Variants in FMNL1 observed in about 807,000 individuals in gnomAD.
FMNL1 encodes the protein formin-like protein 1.
A neutral mutation model predicts 121.3 loss-of-function variants in FMNL1; 43 were observed. That is an observed-to-expected ratio of 0.35 (90% CI 0.28 to 0.46). FMNL1 has a LOEUF of 0.46. Ranked by LOEUF, FMNL1 falls within the 20% of genes least tolerant of loss-of-function variation. The pLI is 1.00. For synonymous variants in FMNL1, 613 were observed against 613.5 expected (o/e 1.00, Z 0.01); for missense variants, 1,191 against 1,482.4 (o/e 0.80, Z 3.23).
Position 45,234,185 on chromosome 17 carries a change from G to T in FMNL1, c.599G>T (p.Arg200Leu), listed in dbSNP as rs373132848. Reference protein sequence around the residue: ...KGPPSSVPKSRHLTIKLTPAH... With the variant: ...KGPPSSVPKSLHLTIKLTPAH... ...CCACCCTCCTCCGTGCCCAAAAGCC[G>T]CCACCTGACCATCAAGTATGTGGGC... The change falls in exon 6 of 27, where the codon CGC becomes CTC. Residue 200 changes from arginine (R) to leucine (L), a missense_variant. Transcript: ENST00000331495. 14 of 1,613,964 alleles carry T rather than the reference G, an allele frequency of 8.7e-6. No homozygotes were observed. Among genetic ancestry groups the T allele is most frequent in the Non-Finnish European group, 1.1e-5 (13 of 1,180,030 alleles).
intron 6 of FMNL1, chr17:45,234,594 A>G (rs983346686): frequency 1.4e-5 from 4 of 290,508 alleles, no homozygotes; most frequent in African/African-American, 7.3e-5. Context: ...AGCCCAGGGG[A>G]TGGAGGTTGC....
rs536416050 is a variant in FMNL1 at position 45,242,256 on chromosome 17, G to A, written c.1886-85G>A. ...GCCTGGGGGCCTCCTGCTGCCTCCT[G>A]GCTGCCCCATCAGCCCTCCCTGGGC... On this transcript the variant is annotated intron_variant, in intron 15 of 26. Coordinates refer to ENST00000331495, the MANE Select transcript of FMNL1 (RefSeq NM_005892.4). 3.3e-5 allele frequency: 52 copies of A among 1,582,938 alleles called. No individual in the cohort carries two copies. In the Middle Eastern group the frequency reaches 6.8e-4, roughly 21 times the overall value.
chr17:45,230,558 T>G (rs755890799), intron 1 of FMNL1, 46 bp from the exon 2 acceptor site: 2 of 1,603,512 alleles, frequency 1.2e-6, no homozygotes, highest in Non-Finnish European at 1.7e-6. Context: ...CCCTCTCCCC[T>G]TGTTGGGGCC....
At chr17:45,224,875 A>G (rs1309387175) in intron 1 of FMNL1, among the ~76,000 whole-genome samples, 4 of 152,208 alleles carry the variant, frequency 2.6e-5, no homozygotes, top group African/African-American at 9.6e-5. Context: ...TGGTGGGAAC[A>G]CCAGCCAGCG....
At chr17:45,239,171 C>A in intron 11 of FMNL1, 106 bp downstream of exon 11, 1 of 890,774 alleles carries the variant, frequency 1.1e-6, no homozygotes, top group Non-Finnish European at 1.9e-6. Flanking sequence ...GGTTTAAATC[C>A]TGGCTCTGCC....
rs2043410005 is a variant in FMNL1, at chr17:45,230,188, C to T, written c.130-416C>T. 2.6e-5 allele frequency among the ~76,000 whole-genome samples: 4 copies of T among 152,300 alleles called. No individual in the cohort carries two copies. The South Asian group carries it at 8.3e-4, about 32-fold the overall frequency. ...CACTGGCCACTGGCCACACTTTGGCCTGACTGGTGATGGCTCCCCTGTTAG... is the reference window on the plus strand; with the variant it reads ...CACTGGCCACTGGCCACACTTTGGCTTGACTGGTGATGGCTCCCCTGTTAG... On this transcript the variant is annotated intron_variant, in intron 1 of 26. Coordinates refer to ENST00000331495, the MANE Select transcript of FMNL1 (RefSeq NM_005892.4).
chr17:45,226,146 T>C (rs1435587656), intron 1 of FMNL1, among the ~76,000 whole-genome samples: 1 of 152,204 alleles, frequency 6.6e-6, no homozygotes, highest in Non-Finnish European at 1.5e-5. Context: ...CCCACCGTTA[T>C]GCAGGTCACC....
Position 45,240,485 on chromosome 17 carries a change from C to T in FMNL1, c.1090C>T (p.Leu364Phe), listed in dbSNP as rs543302959. 17 of 1,611,128 alleles carry T rather than the reference C, an allele frequency of 1.1e-5. No homozygotes were observed. The highest frequency in any genetic ancestry group is 8.9e-5 in the East Asian group (4 of 44,826). The change falls in exon 12 of 27, where the codon CTC becomes TTC. Residue 364 changes from leucine to phenylalanine, a missense_variant. Around this residue, in one of 4 missense-constraint regions of FMNL1, gnomAD observed 519 missense variants for 492.8 expected, o/e 1.05. Transcript: ENST00000331495. ...GLDLYLERLR[L>F]TESDKLQVQI... ...TCCATCTGGGGGACAGAGGCTTCGG[C>T]TCACCGAGAGTGACAAGCTGCAGGT...
At position 45,245,883 on chromosome 17, in the gene FMNL1, T is replaced by G. The variant is rs1463452919; in HGVS notation, c.3000T>G (p.Ala1000=). ...GAGACTGCCTTGGCCCACAGAAAGCTGAGCAGGAGGTGGAACAGTGGAAAA... is the reference window on the plus strand; with the variant it reads ...GAGACTGCCTTGGCCCACAGAAAGCGGAGCAGGAGGTGGAACAGTGGAAAA... ...FSRFIKAYKK[A]EQEVEQWKKE... The change falls in exon 24 of 27, where the codon GCT becomes GCG. Residue 1000 remains alanine (A), a synonymous_variant. Transcript: ENST00000331495. The G allele has an allele frequency of 5.0e-6, 8 of 1,595,896 alleles. No individual in the cohort carries two copies. The highest frequency in any genetic ancestry group is 6.8e-6 in the Non-Finnish European group (8 of 1,172,712).
chr17:45,242,079 G>A lies in FMNL1; in HGVS notation c.1818G>A (p.Pro606=), dbSNP rs1189614424. The part of the protein sequence containing the change: ...GTDGPVPPPP[P]PPPPPPGGPP... ...ACGGGCCGGTGCCTCCGCCGCCGCCGCCGCCGCCGCCGCCTCCCGGAGGTC... is the reference window on the plus strand; with the variant it reads ...ACGGGCCGGTGCCTCCGCCGCCGCCACCGCCGCCGCCGCCTCCCGGAGGTC... The change falls in exon 15 of 27, where the codon CCG becomes CCA. Residue 606 remains proline, a synonymous_variant. Coordinates refer to ENST00000331495, the MANE Select transcript of FMNL1 (RefSeq NM_005892.4). 1 of 1,464,062 alleles carries A rather than the reference G, an allele frequency of 6.8e-7. No individual in the cohort carries two copies. The highest frequency in any genetic ancestry group is 2.1e-5 in the Admixed American group (1 of 46,680). The allele number at this position is 1,464,062 out of a possible 1,614,324, so 90.7% of individuals were successfully genotyped here.
Position 45,244,345 on chromosome 17 carries a change from C to T in FMNL1, c.2517+101C>T, listed in dbSNP as rs28417642. 9.4e-4 allele frequency: 1,286 copies of T among 1,371,492 alleles called. 8 individuals are homozygous for T. In the African/African-American group the frequency reaches 0.017, roughly 18 times the overall value. The allele number at this position is 1,371,492 out of a possible 1,614,324, so 85.0% of individuals were successfully genotyped here. ...TGCAATGCAACAAAGATAACATTCCCACTTCTCATGTACATGCTGAGAAGG... is the reference window on the plus strand; with the variant it reads ...TGCAATGCAACAAAGATAACATTCCTACTTCTCATGTACATGCTGAGAAGG... On this transcript the variant is annotated intron_variant, in intron 19 of 26. Transcript: ENST00000331495.
At position 45,240,588 on chromosome 17, in the gene FMNL1, T is replaced by C; in HGVS notation, c.1193T>C (p.Leu398Pro). The C allele has an allele frequency of 6.2e-7, 1 of 1,613,846 alleles. No individual in the cohort carries two copies. The highest frequency in any genetic ancestry group is 8.5e-7 in the Non-Finnish European group (1 of 1,179,954). Residue 398 changes from leucine (L) to proline (P), a missense_variant, in exon 12 of 27, where the codon CTG becomes CCG. Leu to Pro is a moderately conservative substitution (Grantham distance 98). This residue lies in a region of FMNL1 where 519 missense variants were observed against 492.8 expected (regional missense o/e 1.05). Coordinates refer to ENST00000331495, the MANE Select transcript of FMNL1 (RefSeq NM_005892.4). ...LEDTETKNAVLEHMEELQEQV... is the reference protein window; with the variant it reads ...LEDTETKNAVPEHMEELQEQV... ...GACACAGAGACCAAGAACGCTGTGCTGGAGCACATGGAGGAACTGCAGGAG... is the reference window on the plus strand; with the variant it reads ...GACACAGAGACCAAGAACGCTGTGCCGGAGCACATGGAGGAACTGCAGGAG...
chr17:45,246,921 G>A lies in FMNL1; in HGVS notation c.*63G>A, dbSNP rs1381554380. ...GACACAGGCCGCCGCAGTGCCCGTC[G>A]GCGTCCCCCGGGCCCCCCACTGCAG... On this transcript the variant is annotated 3_prime_UTR_variant, in exon 27 of 27. Coordinates refer to ENST00000331495, the MANE Select transcript of FMNL1 (RefSeq NM_005892.4). 1 of 758,304 alleles carries A rather than the reference G, an allele frequency of 1.3e-6. No individual in the cohort carries two copies. The highest frequency in any genetic ancestry group is 2.4e-6 in the Non-Finnish European group (1 of 415,398). The allele number at this position is 758,304 out of a possible 1,614,324, so 47.0% of individuals were successfully genotyped here.
chr17:45,237,788 C>G lies in FMNL1; in HGVS notation c.894+149C>G, dbSNP rs1191510647. 2 of 808,338 alleles carry G rather than the reference C, an allele frequency of 2.5e-6. No individual in the cohort carries two copies. Among genetic ancestry groups the G allele is most frequent in the Non-Finnish European group, 2.0e-6 (1 of 494,616 alleles). The allele number at this position is 808,338 out of a possible 1,614,324, so 50.1% of individuals were successfully genotyped here. The stretch of plus-strand genomic sequence containing the variant: ...CAAAAGTTGAAGTTGAGCCACATCA[C>G]TGGCTCAGCAATCTGGGATGGGGAA... On this transcript the variant is annotated intron_variant, in intron 9 of 26. Transcript: ENST00000331495. This position sits in a 1 kb window ranked among gnomAD's most constrained non-coding sequence, Gnocchi z 4.4.
chr17:45,238,692 G>C, intron 10 of FMNL1, 54 bp downstream of exon 10: 1 of 1,608,536 alleles, frequency 6.2e-7, no homozygotes, highest in Admixed American at 1.7e-5. Flanking sequence ...CTTGGGTGCA[G>C]GGAGCAGCTA....
chr17:45,246,713 AT>A (rs2043846084), intron 26 of FMNL1, 109 bp downstream of exon 26: 3 of 1,162,802 alleles, frequency 2.6e-6, no homozygotes, highest in Non-Finnish European at 3.7e-6. Context: ...CTGGGATGTG[AT>A]TTGTGGGGTG....
chr17:45,243,434 A>G (rs2043755165), intron 17 of FMNL1, 114 bp downstream of exon 17: 3 of 1,256,514 alleles, frequency 2.4e-6, no homozygotes, highest in Non-Finnish European at 3.3e-6. Context: ...CAGGCTTCAT[A>G]CCAACCCTGG....
At chr17:45,245,479 G>T (rs768332508) in intron 22 of FMNL1, 63 bp downstream of exon 22, 2 of 1,609,502 alleles carry the variant, frequency 1.2e-6, no homozygotes, top group Middle Eastern at 1.7e-4. Context: ...GCACAGCCTG[G>T]AGGGGTGTGG....
intron 12 of FMNL1, 56 bp downstream of exon 12, chr17:45,240,681 G>A: frequency 6.4e-7 from 1 of 1,566,516 alleles, no homozygotes; most frequent in Non-Finnish European, 8.7e-7. Flanking sequence ...GGGCACACGG[G>A]CCACAGGGCC....
Sources: allele counts gnomAD v4.1 joint callset (sites outside exome capture counted in the v4.1 genomes callset), GRCh38; gene constraint gnomAD v4.1.1; regional missense constraint gnomAD v4.1.1; non-coding constraint Gnocchi (gnomAD v3.1); transcripts MANE v1.5; gene names NCBI Gene and HGNC (gene_info 2026-07-23, HGNC 2026-07-21).